RBM24: variants seen among roughly 807,000 people sequenced by gnomAD.
The protein encoded by RBM24 is RNA binding motif protein 24, also known as RNA-binding protein 24.
A neutral mutation model predicts 23.6 loss-of-function variants in RBM24; 5 were observed. The ratio of observed to expected loss-of-function variants is 0.21; its 90% CI spans 0.11 to 0.45. RBM24 has a LOEUF of 0.45. RBM24 is among the 20% of genes least tolerant of loss of function. The pLI, the probability that RBM24 is intolerant of heterozygous loss-of-function variation, is 0.99. For synonymous variants in RBM24, 151 were observed against 129.5 expected, an observed-to-expected ratio of 1.17 and a Z score of -1.13; for missense variants, 252 against 314.6, an observed-to-expected ratio of 0.80 and a Z score of 1.51.
At chr6:17,288,241 C>G in intron 3 of RBM24, 1 of 985,388 alleles carries the variant, frequency 1.0e-6, no homozygotes, top group African/African-American at 1.7e-5. Flanking sequence ...AGACAAAACT[C>G]TATTCTCTCA....
intron 2 of RBM24, chr6:17,283,218 A>G (rs1760084037): frequency 6.2e-6 from 2 of 324,998 alleles, no homozygotes; most frequent in African/African-American, 2.1e-5. Flanking sequence ...TCTGCTCTCA[A>G]TTTTCCAATT....
At chr6:17,289,407 CAT>C in intron 3 of RBM24, 1 of 985,380 alleles carries the variant, frequency 1.0e-6, no homozygotes, top group Non-Finnish European at 1.2e-6. Context: ...TGCCAAACTT[CAT>C]GTAGGAGTCT....
rs569975562 is a variant in RBM24, at chr6:17,289,684, C to T, written c.348-2072C>T. The T allele has an allele frequency of 4.9e-5, 48 of 985,380 alleles. No individual in the cohort carries two copies. In the African/African-American group the frequency reaches 7.3e-4, roughly 15 times the overall value. 61.0% of individuals were successfully genotyped at this position (985,380 alleles called of 1,614,324 possible). On this transcript the variant is annotated intron_variant, in intron 3 of 3. Transcript: ENST00000379052. Reference sequence around the variant, plus strand: ...TTAAGGTTTCGGTGTCAGTGAGATCCGCACTGGCTGGCCTTTGCAGCTGAT... The same window carrying T: ...TTAAGGTTTCGGTGTCAGTGAGATCTGCACTGGCTGGCCTTTGCAGCTGAT...
At chr6:17,283,333 T>C (rs1277713612) in intron 2 of RBM24, among the ~76,000 whole-genome samples, 3 of 152,200 alleles carry the variant, frequency 2.0e-5, no homozygotes, top group Non-Finnish European at 4.4e-5. Flanking sequence ...TTAGCACCAG[T>C]TGCACTGTGC....
intron 1 of RBM24, chr6:17,282,181 G>T (rs1166205258): frequency 7.8e-7 from 1 of 1,280,556 alleles, no homozygotes; most frequent in Non-Finnish European, 1.0e-6. Context: ...GTCTGGGGCT[G>T]TTGCCCTTGT....
rs149081325 is a variant in RBM24 at position 17,282,811 on chromosome 6, A to G, written c.175A>G (p.Met59Val). Residue 59 changes from methionine (M) to valine (V), a missense_variant, in exon 2 of 4, where the codon ATG (methionine) becomes GTG (valine). By Grantham distance (21) the Met-to-Val change is conservative (BLOSUM62 1). Coordinates refer to ENST00000379052, the MANE Select transcript of RBM24 (RefSeq NM_001143942.2). ...GKSRGYGFVT[M>V]ADRAAAERAC... Reference sequence around the variant, plus strand: ...GTGTGTGTCTGTTGCTAAGGTCACCATGGCTGACCGGGCTGCTGCCGAAAG... The same window carrying G: ...GTGTGTGTCTGTTGCTAAGGTCACCGTGGCTGACCGGGCTGCTGCCGAAAG... The G allele has an allele frequency of 1.2e-6, 2 of 1,613,914 alleles. No homozygotes were observed. The highest frequency in any genetic ancestry group is 1.7e-6 in the Non-Finnish European group (2 of 1,179,816).
chr6:17,292,050 AGCAGCTGCTGCCG>A lies in RBM24; in HGVS notation c.643_655del (p.Ala215LeufsTer23). ...CTGGGACAGCTGCCGCCGCCGCTGC[AGCAGCTGCTGCCG>A]CTGCAGCATTTGGCCAGTACCAGCC... On this transcript the variant is annotated frameshift_variant, in exon 4 of 4. Coordinates refer to ENST00000379052, the MANE Select transcript of RBM24 (RefSeq NM_001143942.2). LOFTEE classifies it high-confidence loss of function. The A allele has an allele frequency of 6.3e-7, 1 of 1,594,836 alleles. No homozygotes were observed. The highest frequency in any genetic ancestry group is 8.5e-7 in the Non-Finnish European group (1 of 1,175,284).
rs752077413 is a variant in RBM24 at position 17,292,030 on chromosome 6, ACAGCTGCCGCCGCCGCTG to A, written c.627_644del (p.Ala216_Ala221del). The stretch of plus-strand genomic sequence containing the variant: ...GCCAATCACCGCAGCGGCACCTGGG[ACAGCTGCCGCCGCCGCTG>A]CAGCAGCTGCTGCCGCTGCAGCATT... On this transcript the variant is annotated inframe_deletion, in exon 4 of 4. Coordinates refer to ENST00000379052, the MANE Select transcript of RBM24 (RefSeq NM_001143942.2). The A allele has an allele frequency of 6.3e-7, 1 of 1,599,624 alleles. No individual in the cohort carries two copies. The highest frequency in any genetic ancestry group is 8.5e-7 in the Non-Finnish European group (1 of 1,177,000).
chr6:17,285,302 G>A (rs1406403714), intron 3 of RBM24: 1 of 152,100 alleles, frequency 6.6e-6, no homozygotes, highest in Non-Finnish European at 1.5e-5. Context: ...TTACTTAATT[G>A]AAAAGAGCTG....
intron 3 of RBM24, chr6:17,289,628 G>A (rs754044240): frequency 8.1e-6 from 8 of 985,396 alleles, no homozygotes; most frequent in Non-Finnish European, 9.6e-6. Context: ...CACCCACAGT[G>A]TTGTTCTTGG....
chr6:17,290,821 C>G (rs1760335176), intron 3 of RBM24: 1 of 1,286,420 alleles, frequency 7.8e-7, no homozygotes. Context: ...ATCATTTCCC[C>G]AAAACCCCTT....
intron 3 of RBM24, among the ~76,000 whole-genome samples, chr6:17,287,112 G>C (rs1192232562): frequency 6.6e-6 from 1 of 152,180 alleles, no homozygotes; most frequent in Non-Finnish European, 1.5e-5. Context: ...TGGACCAAGT[G>C]AGCTTTCTCT....
rs772355313 is a variant in RBM24 at position 17,291,915 on chromosome 6, C to T, written c.507C>T (p.Ala169=). ...QYSAAAAAAA[A]AAAYDQYPYA... is the part of the protein sequence containing the mutation. ...CAGCAGCTGCTGCTGCTGCCGCCGC[C>T]GCTGCTGCCTATGACCAGTACCCCT... Residue 169 remains alanine, a synonymous_variant, in exon 4 of 4, where the codon GCC becomes GCT. Transcript: ENST00000379052. 9 of 1,613,066 alleles carry T rather than the reference C, an allele frequency of 5.6e-6. No homozygotes were observed. The East Asian group carries it at 1.3e-4, about 24-fold the overall frequency.
chr6:17,283,417 AAG>A (rs1760092587), intron 2 of RBM24, among the ~76,000 whole-genome samples: 1 of 152,020 alleles, frequency 6.6e-6, no homozygotes, highest in Admixed American at 6.6e-5. Flanking sequence ...CCAAATGGTA[AAG>A]GTTTTGTTTT....
At chr6:17,287,047 T>C (rs1319884099) in intron 3 of RBM24, among the ~76,000 whole-genome samples, 2 of 152,246 alleles carry the variant, frequency 1.3e-5, no homozygotes, top group Non-Finnish European at 2.9e-5. Context: ...ATTATTAGTG[T>C]GTGCATAAAT....
Position 17,284,689 on chromosome 6 carries a change from G to A in RBM24, c.325G>A (p.Ala109Thr), listed in dbSNP as rs765441614. 5.0e-6 allele frequency: 8 copies of A among 1,611,528 alleles called. No homozygotes were observed. Among genetic ancestry groups the A allele is most frequent in the Non-Finnish European group, 6.8e-6 (8 of 1,179,008 alleles). ...CTTTGGTGTTCAACAACTTCATCCA[G>A]CCCTTATACAAAGACCTTTCGGGTA... ...FAFGVQQLHP[A>T]LIQRPFGIPA... The change falls in exon 3 of 4, where the codon GCC becomes ACC. Residue 109 changes from alanine to threonine, a missense_variant. Physicochemically the swap from Ala to Thr is moderately conservative, Grantham distance 58. Coordinates refer to ENST00000379052, the MANE Select transcript of RBM24 (RefSeq NM_001143942.2).
chr6:17,282,820 C>G lies in RBM24; in HGVS notation c.184C>G (p.Arg62Gly). ...TGTTGCTAAGGTCACCATGGCTGAC[C>G]GGGCTGCTGCCGAAAGGGCCTGCAA... is the stretch of plus-strand genomic sequence containing the variant. ...RGYGFVTMADRAAAERACKDP... is the reference protein window; with the variant it reads ...RGYGFVTMADGAAAERACKDP... Residue 62 changes from arginine (R) to glycine (G), a missense_variant, in exon 2 of 4, where the codon CGG becomes GGG. By Grantham distance (125) the Arg-to-Gly change is moderately radical. Transcript: ENST00000379052. 6.2e-7 allele frequency: 1 copy of G among 1,613,948 alleles called. No homozygotes were observed. The highest frequency in any genetic ancestry group is 8.5e-7 in the Non-Finnish European group (1 of 1,179,976).
chr6:17,290,715 CA>C, intron 3 of RBM24: 2 of 486,708 alleles, frequency 4.1e-6, no homozygotes, highest in Non-Finnish European at 7.1e-6. Flanking sequence ...AGTAGATGTG[CA>C]AAAAAAGTTT....
At chr6:17,284,548 G>A (rs1760137382) in intron 2 of RBM24, 109 bp from the exon 3 acceptor site, 9 of 804,208 alleles carry the variant, frequency 1.1e-5, no homozygotes, top group Admixed American at 4.9e-5. Context: ...TTAAAGTGGC[G>A]AAAGAATGTT....
Sources: allele counts gnomAD v4.1 joint callset (sites outside exome capture counted in the v4.1 genomes callset), GRCh38; gene constraint gnomAD v4.1.1; transcripts MANE v1.5; gene names NCBI Gene and HGNC (gene_info 2026-07-23, HGNC 2026-07-21).